The following EPHB2 variants were observed in gnomAD, a reference collection of about 807,000 sequenced individuals.
The protein encoded by EPHB2 is ephrin type-B receptor 2.
In EPHB2, 18 loss-of-function variants were observed where a neutral mutation model predicts 96.4. That is an observed-to-expected ratio of 0.19 (90% CI 0.13 to 0.28). EPHB2 has a LOEUF of 0.28. EPHB2 is among the 10% of genes least tolerant of loss of function. The probability of loss-of-function intolerance (pLI) is 1.00; values close to 1 mark genes in which losing one functional copy is unlikely to be tolerated. For missense variants in EPHB2, 989 were observed against 1,355.4 expected, an observed-to-expected ratio of 0.73 and a Z score of 4.25; for synonymous variants, 506 against 534.1, an observed-to-expected ratio of 0.95 and a Z score of 0.72.
intron 11 of EPHB2, among the ~76,000 whole-genome samples, chr1:22,907,470 C>T (rs1639955492): frequency 6.6e-6 from 1 of 152,138 alleles, no homozygotes; most frequent in Non-Finnish European, 1.5e-5. Flanking sequence ...TATAGGCCTC[C>T]CAGGAGACCA....
chr1:22,803,669 ATGTG>A (rs1644880522), intron 3 of EPHB2, among the ~76,000 whole-genome samples: 1 of 138,760 alleles, frequency 7.2e-6, no homozygotes, highest in Non-Finnish European at 1.6e-5. Flanking sequence ...GTGTATATAT[ATGTG>A]TGTATATATG....
intron 1 of EPHB2, among the ~76,000 whole-genome samples, chr1:22,724,715 A>T (rs1643544109): frequency 6.6e-6 from 1 of 152,200 alleles, no homozygotes; most frequent in Non-Finnish European, 1.5e-5. Flanking sequence ...AGAGCAGCAG[A>T]TGGCAGCTTC....
At chr1:22,778,770 G>A (rs1197089048) in intron 1 of EPHB2, among the ~76,000 whole-genome samples, 1 of 152,242 alleles carries the variant, frequency 6.6e-6, no homozygotes, top group Non-Finnish European at 1.5e-5. Context: ...CAGGGGGACA[G>A]TGGGGCCCCC....
Position 22,916,656 on chromosome 1 carries a change from C to G in EPHB2, c.*3086C>G, listed in dbSNP as rs1168333379. On this transcript the variant is annotated 3_prime_UTR_variant, in exon 16 of 16. Transcript: ENST00000374630. This position sits in a 1 kb window ranked among gnomAD's most constrained non-coding sequence, Gnocchi z 4.2. ...CTCTGAGCCACCCGCTGCCTGGTTA[C>G]TAATCCTTTCCTGGCTCAACCTCCC... The G allele has an allele frequency of 1.3e-5, 2 of 152,548 alleles. No individual in the cohort carries two copies. Among genetic ancestry groups the G allele is most frequent in the African/African-American group, 2.4e-5 (1 of 41,436 alleles). 9.4% of individuals were successfully genotyped at this position (152,548 alleles called of 1,614,324 possible). A position where few individuals can be genotyped will look rare whatever the true frequency, so the allele number is the denominator to read the frequency against.
intron 1 of EPHB2, among the ~76,000 whole-genome samples, chr1:22,776,980 TA>T (rs1288648078): frequency 4.8e-4 from 73 of 152,192 alleles, no homozygotes; most frequent in South Asian, 1.0e-3. Flanking sequence ...TGATAGCAAA[TA>T]GGGGTAGTTA....
intron 6 of EPHB2, among the ~76,000 whole-genome samples, chr1:22,886,879 G>T (rs546454899): frequency 6.6e-6 from 1 of 152,150 alleles, no homozygotes; most frequent in South Asian, 2.1e-4. Context: ...GCCCACCTCA[G>T]CCACCCAAAG....
chr1:22,750,555 A>G (rs1357451367), intron 1 of EPHB2, among the ~76,000 whole-genome samples: 1 of 152,176 alleles, frequency 6.6e-6, no homozygotes, highest in Non-Finnish European at 1.5e-5. Context: ...CTGATTACTC[A>G]TGGAGAAAGT....
chr1:22,760,477 G>GC lies in EPHB2; in HGVS notation c.62-20940dup, dbSNP rs556066924. Among the ~76,000 whole-genome samples the GC allele has an allele frequency of 3.7e-4, 57 of 152,296 alleles. No homozygotes were observed. The East Asian group carries it at 9.3e-3, about 25-fold the overall frequency. On this transcript the variant is annotated intron_variant, in intron 1 of 15. Coordinates refer to ENST00000374630, the MANE Select transcript of EPHB2 (RefSeq NM_017449.5). Reference sequence around the variant, plus strand: ...GGTTTTGCTTCTAAAAGCACCTCCTGCCCCACCTGTGCCCTCTTCCCCAGC... The same window carrying GC: ...GGTTTTGCTTCTAAAAGCACCTCCTGCCCCCACCTGTGCCCTCTTCCCCAGC...
chr1:22,782,691 G>C (rs1206400864), intron 2 of EPHB2, among the ~76,000 whole-genome samples: 1 of 152,138 alleles, frequency 6.6e-6, no homozygotes, highest in Non-Finnish European at 1.5e-5. Context: ...AAGGCAGAGT[G>C]CTCTAATTAA....
Position 22,858,332 on chromosome 1 carries a change from C to T in EPHB2, c.812-4705C>T, listed in dbSNP as rs2148517473. Among the ~76,000 whole-genome samples the T allele has an allele frequency of 6.6e-6, 1 of 152,244 alleles. No individual in the cohort carries two copies. Among genetic ancestry groups the T allele is most frequent in the East Asian group, 1.9e-4 (1 of 5,178 alleles). On this transcript the variant is annotated intron_variant, in intron 3 of 15. Coordinates refer to ENST00000374630, the MANE Select transcript of EPHB2 (RefSeq NM_017449.5). This position sits in a 1 kb window ranked among gnomAD's most constrained non-coding sequence, Gnocchi z 7.7. ...CTAAGTGCAGTGGGGATAAATGGTG[C>T]ACGAGGGAGTTTAGACAAGATGCCG...
intron 3 of EPHB2, among the ~76,000 whole-genome samples, chr1:22,830,341 T>C (rs538877294): frequency 6.6e-6 from 1 of 152,294 alleles, no homozygotes; most frequent in South Asian, 2.1e-4. Flanking sequence ...TGTAGAAGCC[T>C]GCTCAGAGGA....
At position 22,906,869 on chromosome 1, in the gene EPHB2, T is replaced by C. The variant is rs959654720; in HGVS notation, c.2048T>C (p.Ile683Thr). The C allele has an allele frequency of 6.2e-7, 1 of 1,614,062 alleles. No homozygotes were observed. The highest frequency in any genetic ancestry group is 8.5e-7 in the Non-Finnish European group (1 of 1,180,036). Residue 683 changes from isoleucine to threonine, a missense_variant, in exon 11 of 16, where the codon ATC becomes ACC. Physicochemically the swap from Ile to Thr is moderately conservative, Grantham distance 89 (BLOSUM62 -1). Transcript: ENST00000374630. This position sits in a 1 kb window ranked among gnomAD's most constrained non-coding sequence, Gnocchi z 4.8. ...GGCCAGTTCGACCATCCCAACGTCA[T>C]CCACCTGGAGGGTGTCGTGACCAAG... Reference protein sequence around the residue: ...IMGQFDHPNVIHLEGVVTKST... With the variant: ...IMGQFDHPNVTHLEGVVTKST...
intron 1 of EPHB2, among the ~76,000 whole-genome samples, chr1:22,749,022 C>CT (rs201142300): frequency 4.0e-4 from 57 of 143,600 alleles, no homozygotes; most frequent in South Asian, 1.3e-3. Context: ...TACTTTGTGG[C>CT]TTTTTTTTTT....
At position 22,919,315 on chromosome 1, in the gene EPHB2, G is replaced by C. The variant is rs1247038348; in HGVS notation, c.*5745G>C. The stretch of plus-strand genomic sequence containing the variant: ...AGTAGGGGGTAGAGCTGACCCTCAG[G>C]AATGTGCCCAGACAGAGCTAAGCTT... On this transcript the variant is annotated 3_prime_UTR_variant, in exon 16 of 16. Transcript: ENST00000374630. 1 of 152,264 alleles carries C rather than the reference G, an allele frequency of 6.6e-6. No individual in the cohort carries two copies. The highest frequency in any genetic ancestry group is 1.5e-5 in the Non-Finnish European group (1 of 68,074). The allele number at this position is 152,264 out of a possible 1,614,324, so 9.4% of individuals were successfully genotyped here.
rs144603619 is a variant in EPHB2 at position 22,909,013 on chromosome 1, G to A, written c.2353-9G>A. On this transcript the variant is annotated splice_polypyrimidine_tract_variant and intron_variant, in intron 12 of 15. Coordinates refer to ENST00000374630, the MANE Select transcript of EPHB2 (RefSeq NM_017449.5). ...CCCACCCACAAACCCTCCTCTTTCT[G>A]TCTCCCAGGGCGGAAAGATCCCCAT... 1.1e-5 allele frequency: 17 copies of A among 1,614,154 alleles called. No individual in the cohort carries two copies. In the East Asian group the frequency reaches 3.6e-4, roughly 34 times the overall value.
At chr1:22,829,414 G>A (rs1046753014) in intron 3 of EPHB2, among the ~76,000 whole-genome samples, 2 of 152,250 alleles carry the variant, frequency 1.3e-5, no homozygotes, top group Admixed American at 6.5e-5. Flanking sequence ...GCCTGATGGG[G>A]TCGGCTCTAC....
Position 22,865,227 on chromosome 1 carries a change from C to A in EPHB2, c.1303+15C>A. 1 of 1,614,160 alleles carries A rather than the reference C, an allele frequency of 6.2e-7. No individual in the cohort carries two copies. The highest frequency in any genetic ancestry group is 8.5e-7 in the Non-Finnish European group (1 of 1,180,008). On this transcript the variant is annotated intron_variant, in intron 5 of 15. Transcript: ENST00000374630. ...CAACCAGGCAGGTAAGTGCTTCCGACGTGGGCCAGGGGAGTGCCCCATCGC... is the reference window on the plus strand; with the variant it reads ...CAACCAGGCAGGTAAGTGCTTCCGAAGTGGGCCAGGGGAGTGCCCCATCGC...
Position 22,913,990 on chromosome 1 carries a change from G to A in EPHB2, c.*420G>A. On this transcript the variant is annotated 3_prime_UTR_variant, in exon 16 of 16. Transcript: ENST00000374630. This position sits in a 1 kb window ranked among gnomAD's most constrained non-coding sequence, Gnocchi z 4.1. ...GAAACACTTTCAGAAAAACAAATGT[G>A]AAGGGGAGAGACAGGGGCCGCCCTT... The A allele has an allele frequency of 7.4e-7, 1 of 1,350,340 alleles. No individual in the cohort carries two copies. 83.6% of individuals were successfully genotyped at this position (1,350,340 alleles called of 1,614,324 possible). A position where few individuals can be genotyped will look rare whatever the true frequency, so the allele number is the denominator to read the frequency against.
chr1:22,795,196 G>C lies in EPHB2; in HGVS notation c.811+10120G>C, dbSNP rs1200223251. Among the ~76,000 whole-genome samples the C allele has an allele frequency of 2.6e-5, 4 of 152,204 alleles. No individual in the cohort carries two copies. In the South Asian group the frequency reaches 8.3e-4, roughly 32 times the overall value. ...AGAGAGGGGAAGAAAGTTACCCAAG[G>C]CTGCATGGCAAGTGAGAGACTTAAA... is the stretch of plus-strand genomic sequence containing the variant. On this transcript the variant is annotated intron_variant, in intron 3 of 15. Transcript: ENST00000374630.
Sources: gnomAD v4.1 joint callset for allele counts (sites outside exome capture counted in the v4.1 genomes callset) on GRCh38, gnomAD v4.1.1 for gene constraint, Gnocchi (gnomAD v3.1) non-coding constraint, MANE v1.5 for transcripts, NCBI Gene and HGNC (gene_info 2026-07-23, HGNC 2026-07-21) for gene names.